The following PPP2R2C variants were observed in gnomAD, a reference collection of about 807,000 sequenced individuals.
PPP2R2C encodes the protein protein phosphatase 2, regulatory subunit B, gamma.
In PPP2R2C, 10 loss-of-function variants were observed where a neutral mutation model predicts 45.3. That is an observed-to-expected ratio of 0.22 (90% CI 0.14 to 0.37). PPP2R2C has a LOEUF of 0.37. PPP2R2C is among the 10% of genes least tolerant of loss of function. The probability of loss-of-function intolerance (pLI) is 1.00; values close to 1 mark genes in which losing one functional copy is unlikely to be tolerated. For synonymous variants in PPP2R2C, 257 were observed against 245.4 expected, an observed-to-expected ratio of 1.05 and a Z score of -0.44; for missense variants, 308 against 619.7, an observed-to-expected ratio of 0.50 and a Z score of 5.34.
Position 6,403,762 on chromosome 4 carries a change from C to A in PPP2R2C, c.71-22668G>T, listed in dbSNP as rs531633281. 3.5e-3 allele frequency among the ~76,000 whole-genome samples: 535 copies of A among 151,968 alleles called. 7 individuals carry two copies. Among genetic ancestry groups the A allele is most frequent in the African/African-American group, 0.012 (510 of 41,430 alleles). ...CCTGTAATCCCAGCTACTCAGGAGG[C>A]TGAGGCAGGAGAATCGCTTGAACCT... is the stretch of plus-strand genomic sequence containing the variant. On this transcript the variant is annotated intron_variant, in intron 1 of 8. Transcript: ENST00000382599.
At chr4:6,436,251 G>C (rs1719889322) in intron 1 of PPP2R2C, among the ~76,000 whole-genome samples, 2 of 152,206 alleles carry the variant, frequency 1.3e-5, no homozygotes, top group African/African-American at 4.8e-5. Context: ...AGCATGAACA[G>C]ACTAAGACAC....
intron 6 of PPP2R2C, among the ~76,000 whole-genome samples, chr4:6,334,620 G>A (rs1271073881): frequency 6.6e-6 from 1 of 152,108 alleles, no homozygotes; most frequent in Non-Finnish European, 1.5e-5. Context: ...ACCCCTGTTG[G>A]GCCAGGCACT....
At chr4:6,418,616 C>A (rs1718759468) in intron 1 of PPP2R2C, among the ~76,000 whole-genome samples, 1 of 152,212 alleles carries the variant, frequency 6.6e-6, no homozygotes, top group Non-Finnish European at 1.5e-5. Flanking sequence ...ATAGGCTGAG[C>A]TGCTCTTCCC....
chr4:6,391,138 C>A (rs370447614), intron 1 of PPP2R2C, among the ~76,000 whole-genome samples: 47 of 152,106 alleles, frequency 3.1e-4, no homozygotes, highest in African/African-American at 1.1e-3. Flanking sequence ...ACCTGCCCAC[C>A]CACGTAACCT....
At chr4:6,450,028 G>T (rs1291143873) in intron 1 of PPP2R2C, among the ~76,000 whole-genome samples, 1 of 152,220 alleles carries the variant, frequency 6.6e-6, no homozygotes, top group East Asian at 1.9e-4. Context: ...CGAGTTGCCT[G>T]TCCTAGATAG....
chr4:6,329,321 G>A lies in PPP2R2C; in HGVS notation c.993C>T (p.Ser331=). Residue 331 remains serine, a synonymous_variant, in exon 8 of 9, where the codon TCC becomes TCT. Coordinates refer to ENST00000382599, the MANE Select transcript of PPP2R2C (RefSeq NM_020416.4). This position sits in a 1 kb window ranked among gnomAD's most constrained non-coding sequence, Gnocchi z 5.8. The part of the protein sequence containing the change: ...VHDYLRSKLC[S]LYENDCIFDK... ...CGAAAATGCAGTCGTTCTCGTACAG[G>A]GAACAGAGCTTGCTCCGAAGGTAGT... is the stretch of plus-strand genomic sequence containing the variant. The A allele has an allele frequency of 1.9e-6, 3 of 1,614,194 alleles. No individual in the cohort carries two copies. Among genetic ancestry groups the A allele is most frequent in the Non-Finnish European group, 2.5e-6 (3 of 1,180,012 alleles).
intron 1 of PPP2R2C, among the ~76,000 whole-genome samples, chr4:6,538,829 C>T (rs965587810): frequency 6.6e-6 from 1 of 152,234 alleles, no homozygotes; most frequent in African/African-American, 2.4e-5. Flanking sequence ...CCCGGCCCTG[C>T]TGCTTGAGCT....
At chr4:6,542,718 A>AAAGAAG (rs1232084800) in intron 1 of PPP2R2C, among the ~76,000 whole-genome samples, 13 of 151,620 alleles carry the variant, frequency 8.6e-5, no homozygotes, top group Admixed American at 6.6e-5. Context: ...AAAAAAAGAA[A>AAAGAAG]AAGAAAAAAA....
intron 1 of PPP2R2C, among the ~76,000 whole-genome samples, chr4:6,406,455 G>GT (rs1302669472): frequency 1.3e-5 from 2 of 152,256 alleles, no homozygotes; most frequent in African/African-American, 4.8e-5. Flanking sequence ...TCTTGGCAGG[G>GT]TGCAGGGCTC....
intron 5 of PPP2R2C, among the ~76,000 whole-genome samples, chr4:6,360,377 G>C (rs1713618883): frequency 6.6e-6 from 1 of 152,218 alleles, no homozygotes; most frequent in Non-Finnish European, 1.5e-5. Context: ...TCCTCAGCAA[G>C]GGGGATGCTG....
chr4:6,497,725 T>G (rs947008170), intron 2 of PPP2R2C, among the ~76,000 whole-genome samples: 3 of 152,158 alleles, frequency 2.0e-5, no homozygotes, highest in Non-Finnish European at 4.4e-5. Flanking sequence ...GAGAATGCAT[T>G]TGCCACAGCT....
At chr4:6,536,929 G>T (rs10937741) in intron 1 of PPP2R2C, among the ~76,000 whole-genome samples, 1 of 152,044 alleles carries the variant, frequency 6.6e-6, no homozygotes, top group African/African-American at 2.4e-5. Context: ...CAGGTCAGGT[G>T]AGGTGGCTCA....
At chr4:6,386,849 C>G (rs1716251487) in intron 1 of PPP2R2C, among the ~76,000 whole-genome samples, 1 of 152,052 alleles carries the variant, frequency 6.6e-6, no homozygotes, top group African/African-American at 2.4e-5. Flanking sequence ...AAAATTGGCT[C>G]ATACTTCATG....
chr4:6,519,848 T>A (rs1723957771), intron 2 of PPP2R2C, among the ~76,000 whole-genome samples: 1 of 151,874 alleles, frequency 6.6e-6, no homozygotes, highest in Admixed American at 6.6e-5. Context: ...GACACAAAAC[T>A]GCAGAAAAGG....
At chr4:6,437,213 G>A (rs188603520) in intron 1 of PPP2R2C, among the ~76,000 whole-genome samples, 1 of 152,244 alleles carries the variant, frequency 6.6e-6, no homozygotes, top group Non-Finnish European at 1.5e-5. Context: ...GGTTTCTTTA[G>A]GCATCCAAGT....
intron 2 of PPP2R2C, among the ~76,000 whole-genome samples, chr4:6,509,611 T>G (rs556439948): frequency 6.6e-6 from 1 of 152,198 alleles, no homozygotes; most frequent in Non-Finnish European, 1.5e-5. Flanking sequence ...TGTGTCTGCC[T>G]CTAGTCCAAC....
At chr4:6,553,337 A>C (rs931716183) in intron 1 of PPP2R2C, among the ~76,000 whole-genome samples, 1 of 152,228 alleles carries the variant, frequency 6.6e-6, no homozygotes, top group Non-Finnish European at 1.5e-5. Flanking sequence ...CTGGACAGAG[A>C]GGTGAAAAAT....
In PPP2R2C at chr4:6,364,097, A is replaced by G. The variant is rs1714055083; in HGVS notation, c.625+8426T>C. On this transcript the variant is annotated intron_variant, in intron 5 of 8. Transcript: ENST00000382599. This position sits in a 1 kb window ranked among gnomAD's most constrained non-coding sequence, Gnocchi z 5.3. The stretch of plus-strand genomic sequence containing the variant: ...CCAGTCCAGGAGGGAGAGGCGGGAA[A>G]TGAACAGGGAACGAGGTAGAGGCCA... Among the ~76,000 whole-genome samples the G allele has an allele frequency of 6.6e-6, 1 of 152,222 alleles. No individual in the cohort carries two copies. The highest frequency in any genetic ancestry group is 2.4e-5 in the African/African-American group (1 of 41,462).
rs200755929 is a variant in PPP2R2C, at chr4:6,375,903, G to A, written c.363C>T (p.Thr121=). ...NDKTIKLWKI[T]ERDKRPEGYN... is the part of the protein sequence containing the mutation. ...ATCCTTCGGGCCTTTTATCTCGTTC[G>A]GTAATCTTCCATAATTTGATAGTTT... The change falls in exon 4 of 9, where the codon ACC becomes ACT. Residue 121 remains threonine, a synonymous_variant. Transcript: ENST00000382599. The A allele has an allele frequency of 3.2e-5, 51 of 1,613,640 alleles. No homozygotes were observed. Among genetic ancestry groups the A allele is most frequent in the South Asian group, 2.4e-4 (22 of 91,016 alleles).
Sources: allele counts gnomAD v4.1 joint callset (sites outside exome capture counted in the v4.1 genomes callset), GRCh38; gene constraint gnomAD v4.1.1; non-coding constraint Gnocchi (gnomAD v3.1); transcripts MANE v1.5; gene names NCBI Gene and HGNC (gene_info 2026-07-23, HGNC 2026-07-21).